The following ANKRD28 variants were observed in gnomAD, a reference collection of about 807,000 sequenced individuals.
ANKRD28 encodes the protein ankyrin repeat domain 28, also known as serine/threonine-protein phosphatase 6 regulatory ankyrin repeat subunit A.
ANKRD28 carries 44 observed loss-of-function variants against 126.5 expected under a neutral mutation model. That is an observed-to-expected ratio of 0.35 (90% CI 0.27 to 0.45). The LOEUF is 0.45. ANKRD28 is among the 20% of genes least tolerant of loss of function. The pLI, the probability that ANKRD28 is intolerant of heterozygous loss-of-function variation, is 1.00. For missense variants in ANKRD28, 1,110 were observed against 1,316.6 expected, an observed-to-expected ratio of 0.84 and a Z score of 2.43; for synonymous variants, 442 against 468.5, an observed-to-expected ratio of 0.94 and a Z score of 0.73.
chr3:15,724,010 C>T lies in ANKRD28; in HGVS notation c.783+372G>A, dbSNP rs1266916626. Reference sequence around the variant, plus strand: ...CAATATTCTGTAATGCAAACTGCTACAGTCATTTTAAGAGAGTATGAGACT... The same window carrying T: ...CAATATTCTGTAATGCAAACTGCTATAGTCATTTTAAGAGAGTATGAGACT... On this transcript the variant is annotated intron_variant, in intron 7 of 27. Coordinates refer to ENST00000683139, the MANE Select transcript of ANKRD28 (RefSeq NM_001349278.2). Among the ~76,000 whole-genome samples, 3 of 152,314 alleles carry T rather than the reference C, an allele frequency of 2.0e-5. No homozygotes were observed. The East Asian group carries it at 5.8e-4, about 29-fold the overall frequency.
intron 3 of ANKRD28, 138 bp from the exon 4 acceptor site, chr3:15,751,958 G>A (rs2057888029): frequency 3.5e-6 from 2 of 564,888 alleles, no homozygotes; most frequent in Admixed American, 7.3e-5. Context: ...ACTTTCTGCT[G>A]ATAAAATTAC....
intron 4 of ANKRD28, among the ~76,000 whole-genome samples, chr3:15,750,103 TTTAATG>T (rs1167074835): frequency 6.6e-6 from 1 of 152,228 alleles, no homozygotes; most frequent in African/African-American, 2.4e-5. Flanking sequence ...GCTGTCTTCC[TTTAATG>T]TTAATTTTTC....
At chr3:15,848,997 A>G (rs2061583414) in intron 1 of ANKRD28, among the ~76,000 whole-genome samples, 2 of 152,234 alleles carry the variant, frequency 1.3e-5, no homozygotes, top group African/African-American at 4.8e-5. Flanking sequence ...AAGTTGTAGG[A>G]TTCAAAAGCA....
intron 1 of ANKRD28, among the ~76,000 whole-genome samples, chr3:15,818,179 C>G (rs1042753784): frequency 3.9e-5 from 6 of 152,136 alleles, no homozygotes; most frequent in Admixed American, 3.3e-4. Context: ...CCTCACTCCA[C>G]GGAAGCCCAA....
upstream of ANKRD28, among the ~76,000 whole-genome samples, chr3:15,801,720 T>C (rs1001360214): frequency 6.6e-6 from 1 of 152,164 alleles, no homozygotes; most frequent in Non-Finnish European, 1.5e-5. The surrounding 1 kb of genome is among the most constrained non-coding windows in gnomAD (Gnocchi z 4.9). Context: ...CCAGAATCCA[T>C]GCAATTATCT....
chr3:15,779,244 A>T (rs549690295), intron 2 of ANKRD28, among the ~76,000 whole-genome samples: 1 of 152,332 alleles, frequency 6.6e-6, no homozygotes, highest in South Asian at 2.1e-4. Flanking sequence ...ATGCAGGTAC[A>T]ACTGATAATC....
rs1048984230 is a variant in ANKRD28 at position 15,812,963 on chromosome 3, G to A, written c.28-17657C>T. ...AAGAAAACAATCAGGTAAACGGTGTGTTCCCAATAATCTACCCCTATCCTA... is the reference window on the plus strand; with the variant it reads ...AAGAAAACAATCAGGTAAACGGTGTATTCCCAATAATCTACCCCTATCCTA... On this transcript the variant is annotated intron_variant, in intron 1 of 27. Transcript: ENST00000399451. This position sits in a 1 kb window ranked among gnomAD's most constrained non-coding sequence, Gnocchi z 4.1. Among the ~76,000 whole-genome samples, 1 of 151,040 alleles carries A rather than the reference G, an allele frequency of 6.6e-6. No individual in the cohort carries two copies. Among genetic ancestry groups the A allele is most frequent in the African/African-American group, 2.4e-5 (1 of 41,022 alleles).
At chr3:15,682,531 G>C (rs893270077) in intron 21 of ANKRD28, among the ~76,000 whole-genome samples, 3 of 152,160 alleles carry the variant, frequency 2.0e-5, no homozygotes, top group African/African-American at 7.2e-5. Context: ...TCATAAAAAT[G>C]AACACATTTT....
upstream of ANKRD28, among the ~76,000 whole-genome samples, chr3:15,800,160 C>G (rs547328037): frequency 6.6e-5 from 10 of 152,090 alleles, no homozygotes; most frequent in Non-Finnish European, 1.5e-5. Flanking sequence ...CTTGGACAAA[C>G]CACTTAAATT....
chr3:15,738,117 A>C (rs1041588510), intron 4 of ANKRD28, among the ~76,000 whole-genome samples: 1 of 152,160 alleles, frequency 6.6e-6, no homozygotes, highest in Non-Finnish European at 1.5e-5. Flanking sequence ...ACTAAACTCA[A>C]CAAAATTTTT....
chr3:15,715,753 G>A (rs2072932082), intron 8 of ANKRD28, among the ~76,000 whole-genome samples: 1 of 151,934 alleles, frequency 6.6e-6, no homozygotes, highest in Admixed American at 6.6e-5. Context: ...ACATCTTACT[G>A]GTCTGTTGTA....
intron 14 of ANKRD28, among the ~76,000 whole-genome samples, chr3:15,701,352 AAAGAAGATT>A (rs1438808295): frequency 4.6e-5 from 7 of 152,322 alleles, no homozygotes; most frequent in African/African-American, 1.7e-4. Flanking sequence ...ATAATAAAAA[AAAGAAGATT>A]AAGCTGGGTG....
intron 1 of ANKRD28, among the ~76,000 whole-genome samples, chr3:15,836,309 C>G (rs2061325235): frequency 6.6e-6 from 1 of 151,866 alleles, no homozygotes; most frequent in Non-Finnish European, 1.5e-5. Context: ...AGGACTATTA[C>G]TATGTAACAA....
chr3:15,745,144 A>G lies in ANKRD28; in HGVS notation c.351+6606T>C, dbSNP rs555420566. ...AGATTCTGGATATTACTCCTTTGTT[A>G]GGTGTATAGATTGCAAAGATTTTCT... On this transcript the variant is annotated intron_variant, in intron 4 of 27. Transcript: ENST00000683139. Among the ~76,000 whole-genome samples, 15 of 152,128 alleles carry G rather than the reference A, an allele frequency of 9.9e-5. No individual in the cohort carries two copies. In the South Asian group the frequency reaches 3.1e-3, roughly 32 times the overall value.
intron 2 of ANKRD28, among the ~76,000 whole-genome samples, chr3:15,785,037 A>G (rs1030723868): frequency 2.6e-5 from 4 of 152,126 alleles, no homozygotes; most frequent in Admixed American, 6.6e-5. Flanking sequence ...TAAGCACAGT[A>G]GCAGCTACCC....
intron 1 of ANKRD28, among the ~76,000 whole-genome samples, chr3:15,824,023 A>G (rs1348266303): frequency 1.3e-5 from 2 of 152,232 alleles, no homozygotes. Flanking sequence ...ACTTTTCACC[A>G]CTTTTATTCA....
At chr3:15,775,549 C>T (rs1247931670) in intron 2 of ANKRD28, among the ~76,000 whole-genome samples, 2 of 152,164 alleles carry the variant, frequency 1.3e-5, no homozygotes, top group Non-Finnish European at 2.9e-5. Context: ...ATACTTCTCA[C>T]CAACTGGCTA....
chr3:15,785,647 GT>G (rs1257012249), intron 2 of ANKRD28, among the ~76,000 whole-genome samples: 1 of 151,924 alleles, frequency 6.6e-6, no homozygotes, highest in Non-Finnish European at 1.5e-5. Flanking sequence ...ACTTTGACAG[GT>G]TTTTTAACAA....
chr3:15,821,979 A>C (rs916338186), intron 1 of ANKRD28, among the ~76,000 whole-genome samples: 4 of 152,174 alleles, frequency 2.6e-5, no homozygotes, highest in Non-Finnish European at 5.9e-5. Context: ...ACAGGTAACA[A>C]CTGGGGCAAA....
Sources: allele counts gnomAD v4.1 joint callset (sites outside exome capture counted in the v4.1 genomes callset), GRCh38; gene constraint gnomAD v4.1.1; non-coding constraint Gnocchi (gnomAD v3.1); transcripts MANE v1.5; gene names NCBI Gene and HGNC (gene_info 2026-07-23, HGNC 2026-07-21).